CDH18: variants seen among roughly 807,000 people sequenced by gnomAD.
The protein encoded by CDH18 is cadherin 18, also known as cadherin-18.
A neutral mutation model predicts 67.9 loss-of-function variants in CDH18; 31 were observed. That is an observed-to-expected ratio of 0.46 (90% CI 0.34 to 0.62). The LOEUF is 0.62. Ranked by LOEUF, CDH18 falls within the 20% of genes least tolerant of loss-of-function variation. CDH18 has a pLI of 0.01. For missense variants in CDH18, 890 were observed against 975.5 expected, an observed-to-expected ratio of 0.91 and a Z score of 1.17; for synonymous variants, 362 against 347.2, an observed-to-expected ratio of 1.04 and a Z score of -0.48.
intron 2 of CDH18, among the ~76,000 whole-genome samples, chr5:19,948,511 T>C (rs1241154895): frequency 2.0e-5 from 3 of 152,152 alleles, no homozygotes; most frequent in Non-Finnish European, 4.4e-5. Flanking sequence ...ATGAAATACA[T>C]AGGAGCGGTT....
chr5:20,426,487 T>C (rs75350109), intron 1 of CDH18, among the ~76,000 whole-genome samples: 2 of 151,178 alleles, frequency 1.3e-5, no homozygotes, highest in East Asian at 1.9e-4. Flanking sequence ...CAACAAAAAC[T>C]TTTTAAAAGA....
At chr5:19,557,726 G>C (rs944800922) in intron 8 of CDH18, among the ~76,000 whole-genome samples, 1 of 152,026 alleles carries the variant, frequency 6.6e-6, no homozygotes, top group Non-Finnish European at 1.5e-5. Context: ...GACAGCACTA[G>C]ACAGGTCATG....
intron 2 of CDH18, among the ~76,000 whole-genome samples, chr5:20,080,532 C>T (rs916094542): frequency 4.6e-5 from 7 of 152,110 alleles, no homozygotes; most frequent in African/African-American, 1.7e-4. Context: ...CCACCTAACT[C>T]AGGTTATTAA....
chr5:20,159,115 T>G (rs1751779679), intron 2 of CDH18, among the ~76,000 whole-genome samples: 1 of 152,194 alleles, frequency 6.6e-6, no homozygotes. Context: ...AGTTTTGATT[T>G]GTGATAAAGT....
At chr5:20,502,421 C>T (rs919147219) in intron 1 of CDH18, among the ~76,000 whole-genome samples, 3 of 152,062 alleles carry the variant, frequency 2.0e-5, no homozygotes, top group African/African-American at 7.2e-5. Context: ...CTTAATGAAA[C>T]CCAGTGCTCT....
At chr5:19,967,677 T>C (rs984124211) in intron 2 of CDH18, among the ~76,000 whole-genome samples, 2 of 152,042 alleles carry the variant, frequency 1.3e-5, no homozygotes, top group Non-Finnish European at 2.9e-5. Flanking sequence ...CAAAAGAAGG[T>C]ATCCTACGTA....
At chr5:20,125,593 G>A (rs764668817) in intron 2 of CDH18, among the ~76,000 whole-genome samples, 42 of 151,986 alleles carry the variant, frequency 2.8e-4, no homozygotes, top group Non-Finnish European at 5.3e-4. Flanking sequence ...CATATTCTGT[G>A]TCTGTCTTTT....
At chr5:19,679,566 A>G (rs1759974010) in intron 5 of CDH18, among the ~76,000 whole-genome samples, 1 of 151,914 alleles carries the variant, frequency 6.6e-6, no homozygotes, top group Non-Finnish European at 1.5e-5. Context: ...TAAAGACTCC[A>G]CCAAAAGGCT....
chr5:19,876,456 GA>G (rs927883471), intron 2 of CDH18, among the ~76,000 whole-genome samples: 1 of 152,054 alleles, frequency 6.6e-6, no homozygotes, highest in African/African-American at 2.4e-5. Flanking sequence ...CCGTTATCTG[GA>G]AAAATCACTG....
At chr5:19,910,949 C>G (rs924441776) in intron 2 of CDH18, among the ~76,000 whole-genome samples, 2 of 152,132 alleles carry the variant, frequency 1.3e-5, no homozygotes, top group East Asian at 3.9e-4. Flanking sequence ...GAAGTGACAT[C>G]TGAGCTGATG....
At chr5:20,032,587 A>G (rs1035456447) in intron 2 of CDH18, among the ~76,000 whole-genome samples, 1 of 152,036 alleles carries the variant, frequency 6.6e-6, no homozygotes, top group Non-Finnish European at 1.5e-5. Context: ...TGAATGTGCC[A>G]GGCTTAGTAG....
intron 2 of CDH18, among the ~76,000 whole-genome samples, chr5:20,151,522 G>A (rs1751103042): frequency 6.6e-6 from 1 of 152,198 alleles, no homozygotes; most frequent in South Asian, 2.1e-4. Context: ...GGATTGTTGG[G>A]TTGAATGATA....
intron 2 of CDH18, among the ~76,000 whole-genome samples, chr5:20,182,445 A>G (rs1261470326): frequency 6.6e-6 from 1 of 151,856 alleles, no homozygotes; most frequent in Non-Finnish European, 1.5e-5. Flanking sequence ...TCTACTAAAA[A>G]TACAAAATTG....
At chr5:20,431,487 C>CAAAAAAAAAAAAAAAAAAA (rs560015111) in intron 1 of CDH18, among the ~76,000 whole-genome samples, 1 of 66,198 alleles carries the variant, frequency 1.5e-5, no homozygotes, top group African/African-American at 5.8e-5. Context: ...GAGTGAAACT[C>CAAAAAAAAAAAAAAAAAAA]AAAAAAAAAA....
rs1373292332 is a variant in CDH18 at position 20,501,549 on chromosome 5, T to G, written c.-580+73913A>C. ...TATTATATATATTATATACATATTA[T>G]ATATATAATATATATATATAATATA... On this transcript the variant is annotated intron_variant, in intron 1 of 14. Coordinates refer to the CDH18 transcript ENST00000507958. 1.8e-3 allele frequency among the ~76,000 whole-genome samples: 47 copies of G among 25,688 alleles called. 2 individuals are homozygous for G. The highest frequency in any genetic ancestry group is 4.1e-3 in the Admixed American group (4 of 976). 16.9% of individuals were successfully genotyped at this position (25,688 alleles called of 152,430 possible).
intron 4 of CDH18, among the ~76,000 whole-genome samples, chr5:19,724,815 C>T (rs76286308): frequency 0.044 from 6,641 of 152,188 alleles, 478 homozygotes; most frequent in African/African-American, 0.15. Flanking sequence ...ATACCGCTAA[C>T]CTTTCTGGCT....
At chr5:19,906,409 A>C (rs1014742174) in intron 2 of CDH18, among the ~76,000 whole-genome samples, 1 of 151,928 alleles carries the variant, frequency 6.6e-6, no homozygotes, top group African/African-American at 2.4e-5. Flanking sequence ...TCTATACTGG[A>C]TCTATATCTA....
Position 20,415,322 on chromosome 5 carries a change from G to C in CDH18, c.-579-159817C>G, listed in dbSNP as rs558324373. On this transcript the variant is annotated intron_variant, in intron 1 of 14. Transcript: ENST00000507958. ...GAATTGCTGGAACTTGGGAGGCGGA[G>C]GTTGCAGTGAGCAGAGATCACACCA... 1.1e-4 allele frequency among the ~76,000 whole-genome samples: 17 copies of C among 149,460 alleles called. 1 individual carries two copies. In the South Asian group the frequency reaches 3.6e-3, roughly 32 times the overall value.
chr5:19,525,646 C>T (rs144630387), intron 9 of CDH18, among the ~76,000 whole-genome samples: 22 of 152,282 alleles, frequency 1.4e-4, no homozygotes, highest in South Asian at 4.1e-4. Flanking sequence ...CAGACAATTA[C>T]GAGTGAAAAC....
Sources: gnomAD v4.1 joint callset for allele counts (sites outside exome capture counted in the v4.1 genomes callset) on GRCh38, gnomAD v4.1.1 for gene constraint, MANE v1.5 for transcripts, NCBI Gene and HGNC (gene_info 2026-07-23, HGNC 2026-07-21) for gene names.